Variants in GLI2 observed in about 807,000 individuals in gnomAD.
The protein encoded by GLI2 is transcription activator GLI2.
GLI2 carries 22 observed loss-of-function variants against 78.9 expected under a neutral mutation model. The ratio of observed to expected loss-of-function variants is 0.28; its 90% CI spans 0.20 to 0.40. The LOEUF is 0.40. GLI2 is among the 10% of genes least tolerant of loss of function. GLI2 has a pLI of 1.00. For missense variants in GLI2, 2,097 were observed against 2,213.2 expected, an observed-to-expected ratio of 0.95 and a Z score of 1.05; for synonymous variants, 974 against 963.7, an observed-to-expected ratio of 1.01 and a Z score of -0.20.
intron 2 of GLI2, among the ~76,000 whole-genome samples, chr2:120,811,911 G>A (rs1390531485): frequency 1.3e-5 from 2 of 151,760 alleles, no homozygotes; most frequent in East Asian, 1.9e-4. Context: ...CCTACTATGC[G>A]CCGGGCAGTG....
At chr2:120,857,939 T>C (rs1253762899) in intron 2 of GLI2, among the ~76,000 whole-genome samples, 2 of 152,178 alleles carry the variant, frequency 1.3e-5, no homozygotes, top group Admixed American at 1.3e-4. Flanking sequence ...TGCTTCTAAT[T>C]CCCTCGCACC....
chr2:120,968,045 C>G (rs984099309), intron 5 of GLI2, among the ~76,000 whole-genome samples: 1 of 152,210 alleles, frequency 6.6e-6, no homozygotes, highest in African/African-American at 2.4e-5. Context: ...GGAGCACTTA[C>G]TTCCATTCCC....
At chr2:120,777,616 T>C (rs796649340) in intron 1 of GLI2, among the ~76,000 whole-genome samples, 774 of 128,090 alleles carry the variant, frequency 6.0e-3, no homozygotes, top group Middle Eastern at 0.023. Flanking sequence ...GGAGGGACAG[T>C]GATGAGTGGC....
intron 1 of GLI2, among the ~76,000 whole-genome samples, chr2:120,775,935 C>T (rs537018402): frequency 2.0e-5 from 3 of 152,388 alleles, no homozygotes; most frequent in Admixed American, 6.5e-5. Context: ...TTGTGTTCTG[C>T]GGCCCTGGAC....
chr2:120,813,480 G>A (rs1033812122), intron 2 of GLI2, among the ~76,000 whole-genome samples: 2 of 152,208 alleles, frequency 1.3e-5, no homozygotes, highest in African/African-American at 4.8e-5. Context: ...TGAGTCTTGG[G>A]AGAGGGAGAG....
chr2:120,898,177 A>AACACAC (rs55794893), intron 2 of GLI2, among the ~76,000 whole-genome samples: 30,796 of 140,006 alleles, frequency 0.22, 3,353 homozygotes, highest in South Asian at 0.37. Context: ...TATAGATTAA[A>AACACAC]ACACACACAC....
chr2:120,882,215 C>T (rs1017949088), intron 2 of GLI2, among the ~76,000 whole-genome samples: 4 of 152,090 alleles, frequency 2.6e-5, no homozygotes, highest in Non-Finnish European at 5.9e-5. Flanking sequence ...GCCACATCCT[C>T]CTTCCAGGAG....
chr2:120,787,262 C>T (rs1330194951), intron 1 of GLI2, among the ~76,000 whole-genome samples: 1 of 152,160 alleles, frequency 6.6e-6, no homozygotes, highest in African/African-American at 2.4e-5. Context: ...GGCAGGGAAC[C>T]TGGGGGTGCA....
At chr2:120,788,733 G>A (rs1236770250) in intron 1 of GLI2, among the ~76,000 whole-genome samples, 1 of 152,194 alleles carries the variant, frequency 6.6e-6, no homozygotes, top group Non-Finnish European at 1.5e-5. Context: ...AATTCAAGGA[G>A]CGATAAAGAA....
chr2:120,762,613 T>C (rs1683246563), intron 1 of GLI2, among the ~76,000 whole-genome samples: 3 of 152,182 alleles, frequency 2.0e-5, no homozygotes, highest in African/African-American at 7.2e-5. Context: ...TCCCTTCCTG[T>C]GCCTCCGCGT....
chr2:120,777,739 C>A (rs77250813), intron 1 of GLI2, among the ~76,000 whole-genome samples: 19,718 of 121,064 alleles, frequency 0.16, 1,733 homozygotes, highest in Non-Finnish European at 0.21. Context: ...AGAGTGGGAG[C>A]ACAGAAGCTT....
chr2:120,978,608 G>A (rs763457189), intron 10 of GLI2, 25 bp downstream of exon 10: 13 of 1,609,126 alleles, frequency 8.1e-6, no homozygotes, highest in South Asian at 4.4e-5. Flanking sequence ...CCCCACCCCC[G>A]CCGCAGCATC....
At position 120,970,991 on chromosome 2, in the gene GLI2, G is replaced by A. The variant is rs761021213; in HGVS notation, c.1059+385G>A. Among the ~76,000 whole-genome samples, 12 of 152,194 alleles carry A rather than the reference G, an allele frequency of 7.9e-5. No individual in the cohort carries two copies. In the South Asian group the frequency reaches 2.3e-3, roughly 29 times the overall value. On this transcript the variant is annotated intron_variant, in intron 7 of 13. Coordinates refer to ENST00000361492, the MANE Select transcript of GLI2 (RefSeq NM_001374353.1). Reference sequence around the variant, plus strand: ...CAGGCTTTCACACACTGCCTCATTCGACCCTTCCAACGGGCCTTGAGCATG... The same window carrying A: ...CAGGCTTTCACACACTGCCTCATTCAACCCTTCCAACGGGCCTTGAGCATG...
intron 2 of GLI2, among the ~76,000 whole-genome samples, chr2:120,829,175 A>T (rs1391472699): frequency 1.3e-5 from 2 of 152,074 alleles, no homozygotes; most frequent in Non-Finnish European, 2.9e-5. Context: ...CCCTTCATAC[A>T]CTTATACACA....
At chr2:120,762,998 G>T (rs545741226) in intron 1 of GLI2, among the ~76,000 whole-genome samples, 239 of 152,320 alleles carry the variant, frequency 1.6e-3, no homozygotes, top group Middle Eastern at 6.8e-3. Flanking sequence ...GAAGGACAGG[G>T]CTTTCCATAT....
chr2:120,871,065 G>A (rs1386601497), intron 2 of GLI2, among the ~76,000 whole-genome samples: 1 of 152,250 alleles, frequency 6.6e-6, no homozygotes, highest in East Asian at 1.9e-4. Flanking sequence ...GGCTGCACTA[G>A]TGCATGAAAT....
At chr2:120,912,473 G>A (rs796693802) in intron 2 of GLI2, among the ~76,000 whole-genome samples, 1 of 152,236 alleles carries the variant, frequency 6.6e-6, no homozygotes, top group African/African-American at 2.4e-5. Flanking sequence ...TCATGGACTG[G>A]CCTCCAGTCC....
rs748678120 is a variant in GLI2, at chr2:120,970,437, A to C, written c.890A>C (p.Gln297Pro). 2 of 1,610,806 alleles carry C rather than the reference A, an allele frequency of 1.2e-6. No individual in the cohort carries two copies. Among genetic ancestry groups the C allele is most frequent in the Non-Finnish European group, 1.7e-6 (2 of 1,179,236 alleles). Residue 297 changes from glutamine (Q) to proline (P), a missense_variant, in exon 7 of 14, where the codon CAG becomes CCG. Coordinates refer to ENST00000361492, the MANE Select transcript of GLI2 (RefSeq NM_001374353.1). ...CACCCCATCAACCCCGTGGCCTACCAGCAGATTCTGAGCCAGCAGAGGGGT... is the reference window on the plus strand; with the variant it reads ...CACCCCATCAACCCCGTGGCCTACCCGCAGATTCTGAGCCAGCAGAGGGGT... ...FPHPINPVAY[Q>P]QILSQQRGLG... is the part of the protein sequence containing the mutation.
intron 11 of GLI2, among the ~76,000 whole-genome samples, chr2:120,983,704 C>A (rs1356110439): frequency 6.6e-6 from 1 of 152,166 alleles, no homozygotes; most frequent in African/African-American, 2.4e-5. Flanking sequence ...GGCATCCTGG[C>A]CCAGCCACAC....
Sources: allele counts gnomAD v4.1 joint callset (sites outside exome capture counted in the v4.1 genomes callset), GRCh38; gene constraint gnomAD v4.1.1; transcripts MANE v1.5; gene names NCBI Gene and HGNC (gene_info 2026-07-23, HGNC 2026-07-21).